NPNT: variants seen among roughly 807,000 people sequenced by gnomAD.
NPNT encodes the protein preosteoblast EGF-like repeat protein with MAM domain.
NPNT carries 45 observed loss-of-function variants against 68.6 expected under a neutral mutation model. The ratio of observed to expected loss-of-function variants is 0.66; its 90% CI spans 0.52 to 0.84. NPNT has a LOEUF of 0.84. NPNT is among the 40% of genes least tolerant of loss of function. The pLI, the probability that NPNT is intolerant of heterozygous loss-of-function variation, is 0.00. For missense variants in NPNT, 672 were observed against 714.8 expected, an observed-to-expected ratio of 0.94 and a Z score of 0.68; for synonymous variants, 233 against 253.3, an observed-to-expected ratio of 0.92 and a Z score of 0.76.
intron 8 of NPNT, among the ~76,000 whole-genome samples, chr4:105,945,791 A>T (rs4074126): frequency 1.3e-5 from 2 of 152,162 alleles, no homozygotes; most frequent in Non-Finnish European, 2.9e-5. Flanking sequence ...AGTGAAACAT[A>T]CTGATTTTCC....
intron 2 of NPNT, chr4:105,912,236 A>G (rs1430071063): frequency 1.3e-6 from 2 of 1,529,850 alleles, no homozygotes; most frequent in Non-Finnish European, 1.8e-6. Context: ...TGCCAGCTCA[A>G]AGGTTAGATG....
intron 8 of NPNT, among the ~76,000 whole-genome samples, chr4:105,949,821 A>C (rs892992283): frequency 6.6e-6 from 1 of 152,230 alleles, no homozygotes; most frequent in Non-Finnish European, 1.5e-5. Context: ...GACTCCAATT[A>C]GATATAAAAT....
intron 8 of NPNT, among the ~76,000 whole-genome samples, chr4:105,950,343 G>GGATGT (rs772081874): frequency 6.6e-6 from 1 of 152,038 alleles, no homozygotes; most frequent in African/African-American, 2.4e-5. Flanking sequence ...AAATAACATA[G>GGATGT]TTATTTTATG....
intron 2 of NPNT, 52 bp downstream of exon 2, chr4:105,898,053 C>A: frequency 8.1e-7 from 1 of 1,235,540 alleles, no homozygotes; most frequent in Non-Finnish European, 1.2e-6. Flanking sequence ...GGCTTTCCAC[C>A]TTGTTCATGG....
chr4:105,929,922 C>G (rs1728981432), intron 3 of NPNT, among the ~76,000 whole-genome samples: 1 of 151,852 alleles, frequency 6.6e-6, no homozygotes, highest in Non-Finnish European at 1.5e-5. Context: ...ATACCTATTT[C>G]TCTAAAGAAA....
At chr4:105,923,463 G>A (rs768161625) in intron 2 of NPNT, among the ~76,000 whole-genome samples, 11 of 152,056 alleles carry the variant, frequency 7.2e-5, no homozygotes, top group Non-Finnish European at 1.3e-4. Context: ...AATAAACACA[G>A]ACTAAGTCCA....
intron 2 of NPNT, among the ~76,000 whole-genome samples, chr4:105,918,708 C>G (rs1416192296): frequency 6.6e-6 from 1 of 152,094 alleles, no homozygotes; most frequent in Non-Finnish European, 1.5e-5. Flanking sequence ...AGAACTTGCT[C>G]TCCTATTCAT....
chr4:105,911,009 C>T (rs1047228650), intron 2 of NPNT, among the ~76,000 whole-genome samples: 1 of 151,834 alleles, frequency 6.6e-6, no homozygotes, highest in African/African-American at 2.4e-5. Context: ...ATTAAAGAAA[C>T]GGTATCCTTT....
chr4:105,928,890 C>A (rs1420618278), intron 3 of NPNT, among the ~76,000 whole-genome samples: 4 of 151,940 alleles, frequency 2.6e-5, no homozygotes, highest in Admixed American at 6.6e-5. Flanking sequence ...TTCCAAGATA[C>A]TCCTTGAGGT....
At chr4:105,934,953 G>A (rs533992883) in intron 3 of NPNT, among the ~76,000 whole-genome samples, 5 of 152,094 alleles carry the variant, frequency 3.3e-5, no homozygotes, top group Non-Finnish European at 7.4e-5. Flanking sequence ...CCCTTTATTG[G>A]CCCAGACTGG....
In NPNT at chr4:105,970,992, CA is replaced by C; in HGVS notation, c.*2003del. Reference sequence around the variant, plus strand: ...TTATTCCAAATGAGAGTATGATGGACAGATATTTTAGTATCTCAGTAATGTC... The same window carrying C: ...TTATTCCAAATGAGAGTATGATGGACGATATTTTAGTATCTCAGTAATGTC... On this transcript the variant is annotated 3_prime_UTR_variant, in exon 12 of 12. Coordinates refer to ENST00000379987, the MANE Select transcript of NPNT (RefSeq NM_001033047.3). 1 of 327,508 alleles carries C rather than the reference CA, an allele frequency of 3.1e-6. No homozygotes were observed. The highest frequency in any genetic ancestry group is 2.5e-5 in the South Asian group (1 of 40,640). 20.3% of individuals were successfully genotyped at this position (327,508 alleles called of 1,614,324 possible).
Position 105,895,668 on chromosome 4 carries a change from G to A in NPNT, c.16G>A (p.Ala6Thr). 8 of 1,552,436 alleles carry A rather than the reference G, an allele frequency of 5.2e-6. No individual in the cohort carries two copies. Among genetic ancestry groups the A allele is most frequent in the Non-Finnish European group, 7.0e-6 (8 of 1,147,750 alleles). ...GCTGCCCAACATGGATTTTCTCCTG[G>A]CGCTGGTGCTGGTATCCTCGCTCTA... MDFLL[A>T]LVLVSSLYLQ... The change falls in exon 1 of 12, where the codon GCG becomes ACG. Residue 6 changes from alanine to threonine, a missense_variant. Physicochemically the swap from Ala to Thr is moderately conservative, Grantham distance 58 (BLOSUM62 0). Transcript: ENST00000379987.
chr4:105,957,375 T>C (rs998814377), intron 8 of NPNT, among the ~76,000 whole-genome samples: 2 of 152,128 alleles, frequency 1.3e-5, no homozygotes, highest in African/African-American at 4.8e-5. Context: ...GTGGTCGGCA[T>C]CTGCTTGGCC....
At chr4:105,941,640 T>C (rs1009699281) in intron 7 of NPNT, among the ~76,000 whole-genome samples, 3 of 152,318 alleles carry the variant, frequency 2.0e-5, no homozygotes, top group African/African-American at 7.2e-5. Flanking sequence ...GCAGATTAAA[T>C]ATTGATTCTT....
intron 2 of NPNT, among the ~76,000 whole-genome samples, chr4:105,914,619 G>A (rs188918290): frequency 6.9e-4 from 105 of 151,296 alleles, no homozygotes; most frequent in Non-Finnish European, 4.4e-5. Flanking sequence ...CACAGAGGAA[G>A]GCAATACTGG....
chr4:105,935,801 T>C (rs1729448977), intron 3 of NPNT, among the ~76,000 whole-genome samples: 1 of 152,178 alleles, frequency 6.6e-6, no homozygotes, highest in African/African-American at 2.4e-5. Context: ...TAATAATTAT[T>C]TGGTGGTTTT....
intron 8 of NPNT, among the ~76,000 whole-genome samples, chr4:105,952,038 G>T (rs1226821113): frequency 6.6e-6 from 1 of 152,146 alleles, no homozygotes; most frequent in East Asian, 1.9e-4. Context: ...TTACTGTAGT[G>T]CTTGGCATGT....
intron 8 of NPNT, among the ~76,000 whole-genome samples, chr4:105,946,340 T>A (rs1362498892): frequency 1.3e-5 from 2 of 152,154 alleles, no homozygotes; most frequent in Non-Finnish European, 2.9e-5. Context: ...TAAACCAACA[T>A]TAATTATCTA....
chr4:105,951,631 A>G (rs1730843614), intron 8 of NPNT, among the ~76,000 whole-genome samples: 2 of 152,230 alleles, frequency 1.3e-5, no homozygotes, highest in South Asian at 2.1e-4. Flanking sequence ...CTCCTTGAAA[A>G]TTAAATTTCT....
Sources: gnomAD v4.1 joint callset for allele counts (sites outside exome capture counted in the v4.1 genomes callset) on GRCh38, gnomAD v4.1.1 for gene constraint, MANE v1.5 for transcripts, NCBI Gene and HGNC (gene_info 2026-07-23, HGNC 2026-07-21) for gene names.